ARMH3: variants seen among roughly 807,000 people sequenced by gnomAD.
ARMH3 encodes armadillo like helical domain containing 3.
Under a neutral mutation model 99.1 loss-of-function variants are expected in ARMH3, and 60 were observed. The ratio of observed to expected loss-of-function variants is 0.61; its 90% CI spans 0.49 to 0.75. The LOEUF (loss-of-function observed/expected upper bound fraction) is 0.75, where lower values mean the gene tolerates loss of function less well. Ranked by LOEUF, ARMH3 falls within the 30% of genes least tolerant of loss-of-function variation. The pLI is 0.00. For missense variants in ARMH3, 679 were observed against 843.1 expected, an observed-to-expected ratio of 0.81 and a Z score of 2.41; for synonymous variants, 285 against 292.8, an observed-to-expected ratio of 0.97 and a Z score of 0.27.
intron 1 of ARMH3, among the ~76,000 whole-genome samples, chr10:102,054,388 CAA>C (rs1199918958): frequency 2.8e-4 from 20 of 70,706 alleles, no homozygotes; most frequent in Admixed American, 3.2e-4. Context: ...GACTCCGTCT[CAA>C]AAAAAAAAAA....
At chr10:101,975,387 T>C in intron 19 of ARMH3, 87 bp from the exon 20 acceptor site, 2 of 999,532 alleles carry the variant, frequency 2.0e-6, no homozygotes, top group Non-Finnish European at 3.1e-6. Flanking sequence ...CCAGCTTTGC[T>C]AAGGCCACTA....
intron 24 of ARMH3, among the ~76,000 whole-genome samples, chr10:101,874,610 C>T (rs185078195): frequency 4.6e-5 from 7 of 152,284 alleles, no homozygotes; most frequent in Admixed American, 2.6e-4. Context: ...CCTGGGCTTT[C>T]TAATAAGCTC....
chr10:101,871,900 C>T (rs2067139347), intron 24 of ARMH3, among the ~76,000 whole-genome samples: 1 of 151,864 alleles, frequency 6.6e-6, no homozygotes, highest in South Asian at 2.1e-4. Flanking sequence ...GCTCAGGAGG[C>T]TGAGGCATGA....
At chr10:101,853,821 G>A (rs2066667388) in intron 24 of ARMH3, among the ~76,000 whole-genome samples, 1 of 152,134 alleles carries the variant, frequency 6.6e-6, no homozygotes, top group African/African-American at 2.4e-5. Context: ...CTGATAGAAA[G>A]TTAACTGAGC....
chr10:101,912,445 A>G (rs1044161070), intron 23 of ARMH3, among the ~76,000 whole-genome samples: 3 of 151,956 alleles, frequency 2.0e-5, no homozygotes, highest in African/African-American at 7.2e-5. Context: ...ACTGAAATAC[A>G]TAACATGCTG....
intron 20 of ARMH3, among the ~76,000 whole-genome samples, chr10:101,958,140 C>T (rs1436948561): frequency 6.6e-6 from 1 of 152,182 alleles, no homozygotes; most frequent in Non-Finnish European, 1.5e-5. Context: ...AAGCTTTAGA[C>T]ATGTATCTGT....
chr10:101,992,020 T>C lies in ARMH3; in HGVS notation c.1294A>G (p.Lys432Glu). 6.2e-7 allele frequency: 1 copy of C among 1,614,166 alleles called. No homozygotes were observed. The highest frequency in any genetic ancestry group is 8.5e-7 in the Non-Finnish European group (1 of 1,180,004). Residue 432 changes from lysine to glutamate, a missense_variant, in exon 18 of 26, where the codon AAG becomes GAG. Lys to Glu is a moderately conservative substitution (Grantham distance 56). Transcript: ENST00000370033. The part of the protein sequence containing the change: ...LHRMPMRHRK[K>E]AADKNLPCRP... ...CAGGGAAGATTCTTGTCTGCTGCCT[T>C]CTTCCTGTGTCTCATAGGCTTCACA...
chr10:101,966,009 G>A lies in ARMH3; in HGVS notation c.1496-8277C>T, dbSNP rs553562001. ...GAAGAGTGTACAGGTTCGGGAAGCT[G>A]AGCCAGGACCAGGCACTCTGATGGT... On this transcript the variant is annotated intron_variant, in intron 20 of 25. Coordinates refer to ENST00000370033, the MANE Select transcript of ARMH3 (RefSeq NM_024541.3). Among the ~76,000 whole-genome samples, 12 of 152,188 alleles carry A rather than the reference G, an allele frequency of 7.9e-5. No individual in the cohort carries two copies. In the South Asian group the frequency reaches 2.5e-3, roughly 32 times the overall value.
intron 14 of ARMH3, among the ~76,000 whole-genome samples, chr10:102,002,662 C>G (rs535764170): frequency 6.6e-6 from 1 of 151,944 alleles, no homozygotes; most frequent in Admixed American, 6.6e-5. Flanking sequence ...TAATAGTAGA[C>G]TGAAAACAGA....
intron 19 of ARMH3, among the ~76,000 whole-genome samples, chr10:101,976,412 T>TCTCA (rs1446683612): frequency 2.1e-5 from 3 of 141,856 alleles, no homozygotes; most frequent in Admixed American, 7.1e-5. Flanking sequence ...TCTCTCTCTC[T>TCTCA]CACACACACA....
At chr10:101,859,738 C>G (rs1589917028) in intron 24 of ARMH3, among the ~76,000 whole-genome samples, 1 of 152,304 alleles carries the variant, frequency 6.6e-6, no homozygotes, top group East Asian at 1.9e-4. Flanking sequence ...CAAAGAGTTG[C>G]TGAGCCATTT....
intron 22 of ARMH3, among the ~76,000 whole-genome samples, chr10:101,954,867 CTCTTA>C (rs1844957660): frequency 6.6e-6 from 1 of 152,150 alleles, no homozygotes; most frequent in Non-Finnish European, 1.5e-5. Context: ...CAGGTATCTT[CTCTTA>C]TCTTGTTGCT....
intron 23 of ARMH3, among the ~76,000 whole-genome samples, chr10:101,932,342 C>T (rs1843756320): frequency 6.6e-6 from 1 of 152,150 alleles, no homozygotes; most frequent in Non-Finnish European, 1.5e-5. Flanking sequence ...ATGGTGCAGC[C>T]ACTTTGAGTG....
At chr10:102,052,683 T>G (rs1167813513) in intron 1 of ARMH3, among the ~76,000 whole-genome samples, 2 of 152,196 alleles carry the variant, frequency 1.3e-5, no homozygotes, top group African/African-American at 4.8e-5. Flanking sequence ...GTCCCTGCCT[T>G]GAGAAGCTCA....
intron 19 of ARMH3, among the ~76,000 whole-genome samples, chr10:101,983,682 G>A (rs1017626752): frequency 2.6e-5 from 4 of 152,186 alleles, no homozygotes; most frequent in African/African-American, 7.2e-5. Flanking sequence ...ATTCATCTAC[G>A]TGCAGGGAGG....
chr10:101,928,994 G>T (rs1247397510), intron 23 of ARMH3, among the ~76,000 whole-genome samples: 1 of 152,156 alleles, frequency 6.6e-6, no homozygotes, highest in Non-Finnish European at 1.5e-5. Flanking sequence ...GCCTCCCAAA[G>T]TGCTGGGATT....
chr10:101,940,437 C>A (rs892035713), intron 22 of ARMH3, among the ~76,000 whole-genome samples: 4 of 152,050 alleles, frequency 2.6e-5, no homozygotes, highest in Admixed American at 2.0e-4. Flanking sequence ...GGTCATGTGT[C>A]AATCAAGGAT....
chr10:102,044,702 C>T (rs576671475), intron 1 of ARMH3, among the ~76,000 whole-genome samples: 1 of 152,136 alleles, frequency 6.6e-6, no homozygotes, highest in South Asian at 2.1e-4. Context: ...CCAAGTATCA[C>T]CCTCTCTTCA....
intron 20 of ARMH3, among the ~76,000 whole-genome samples, chr10:101,973,411 G>A (rs1317278758): frequency 6.7e-6 from 1 of 149,644 alleles, no homozygotes; most frequent in African/African-American, 2.4e-5. Flanking sequence ...AAGCAAAAAT[G>A]AGGGCAATGT....
Sources: allele counts gnomAD v4.1 joint callset (sites outside exome capture counted in the v4.1 genomes callset), GRCh38; gene constraint gnomAD v4.1.1; transcripts MANE v1.5; gene names NCBI Gene and HGNC (gene_info 2026-07-23, HGNC 2026-07-21).